The following WDSUB1 variants were observed in gnomAD, a reference collection of about 807,000 sequenced individuals.
WDSUB1 encodes WD repeat, SAM and U-box domain-containing protein 1.
In WDSUB1, 49 loss-of-function variants were observed where a neutral mutation model predicts 53.9. That is an observed-to-expected ratio of 0.91 (90% confidence interval 0.72 to 1.15). The LOEUF (loss-of-function observed/expected upper bound fraction) is 1.15, where lower values mean the gene tolerates loss of function less well. Among genes scored for constraint, WDSUB1 ranks in the 50% most tolerant of loss-of-function variants. The probability of loss-of-function intolerance (pLI) is 0.00; values close to 1 mark genes in which losing one functional copy is unlikely to be tolerated. For missense variants in WDSUB1, 514 were observed against 562.0 expected, an observed-to-expected ratio of 0.91 and a Z score of 0.86; for synonymous variants, 194 against 200.6, an observed-to-expected ratio of 0.97 and a Z score of 0.28.
chr2:159,269,257 A>G (rs2151123052), intron 5 of WDSUB1, among the ~76,000 whole-genome samples: 1 of 137,402 alleles, frequency 7.3e-6, no homozygotes, highest in South Asian at 2.2e-4. Context: ...TGCAACCTCC[A>G]CCTCTTGGGT....
chr2:159,255,694 A>G (rs1345138878), intron 9 of WDSUB1, among the ~76,000 whole-genome samples: 2 of 152,210 alleles, frequency 1.3e-5, no homozygotes, highest in Admixed American at 6.5e-5. Flanking sequence ...ATGGTTTTCT[A>G]TAACAAAGAT....
intron 5 of WDSUB1, among the ~76,000 whole-genome samples, chr2:159,260,493 G>C (rs572995518): frequency 1.3e-3 from 201 of 152,256 alleles, no homozygotes; most frequent in Non-Finnish European, 2.3e-3. Context: ...TTTGCTACTT[G>C]GTTTTGTTTC....
In WDSUB1 at chr2:159,248,427, A is replaced by G; in HGVS notation, c.1218T>C (p.Asp406=). 6.2e-7 allele frequency: 1 copy of G among 1,609,832 alleles called. No homozygotes were observed. Among genetic ancestry groups the G allele is most frequent in the Non-Finnish European group, 8.5e-7 (1 of 1,178,638 alleles). The change falls in exon 10 of 11, where the codon GAT becomes GAC. Residue 406 remains aspartate, a synonymous_variant. Coordinates refer to ENST00000359774, the MANE Select transcript of WDSUB1 (RefSeq NM_001128212.3). ...KVKSLSSGIP[D]EFICPITREL... is the part of the protein sequence containing the mutation. ...CTCTAGTTATTGGACATATAAATTC[A>G]TCAGGAATTCCTGAAGAAAGGGATT...
At chr2:159,253,864 A>G (rs1213844805) in intron 9 of WDSUB1, among the ~76,000 whole-genome samples, 1 of 152,250 alleles carries the variant, frequency 6.6e-6, no homozygotes, top group Non-Finnish European at 1.5e-5. Context: ...TACCATTTAT[A>G]GAAGATTAAA....
intron 10 of WDSUB1, among the ~76,000 whole-genome samples, chr2:159,248,106 ATAG>A (rs1455053968): frequency 6.6e-6 from 1 of 150,972 alleles, no homozygotes; most frequent in African/African-American, 2.4e-5. Context: ...TCTTTAAAAA[ATAG>A]TATTTTATCT....
At chr2:159,261,865 TATATATATATATATATATATATATATATA>T (rs2061201960) in intron 5 of WDSUB1, among the ~76,000 whole-genome samples, 2 of 8,864 alleles carry the variant, frequency 2.3e-4, no homozygotes, top group African/African-American at 3.9e-4. Context: ...TATATATATA[TATATATATATATATATATATATATATATA>T]TATTTTTTTT....
At chr2:159,242,059 TATTTATTTA>T (rs1261462425) in intron 10 of WDSUB1, among the ~76,000 whole-genome samples, 2 of 145,426 alleles carry the variant, frequency 1.4e-5, no homozygotes, top group African/African-American at 5.5e-5. Flanking sequence ...AACTTTTATT[TATTTATTTA>T]GAGATGGAGT....
At chr2:159,247,886 AATATATATATATATATATATAT>A (rs373694392) in intron 10 of WDSUB1, among the ~76,000 whole-genome samples, 1 of 63,824 alleles carries the variant, frequency 1.6e-5, no homozygotes, top group African/African-American at 5.4e-5. Flanking sequence ...AAATTAAATA[AATATATATATATATATATATAT>A]AAATATATAT....
At chr2:159,267,302 CT>C (rs34190249) in intron 5 of WDSUB1, among the ~76,000 whole-genome samples, 83,922 of 145,694 alleles carry the variant, frequency 0.58, 24,897 homozygotes, top group African/African-American at 0.71. Flanking sequence ...TTTTTTCTTT[CT>C]TTTTTTTTTT....
intron 2 of WDSUB1, among the ~76,000 whole-genome samples, chr2:159,281,332 G>A (rs191737331): frequency 6.6e-6 from 1 of 152,222 alleles, no homozygotes; most frequent in East Asian, 1.9e-4. Context: ...TCAAACACCT[G>A]GGTTCAGGCG....
chr2:159,237,592 T>C (rs2060517786), intron 10 of WDSUB1, among the ~76,000 whole-genome samples: 1 of 152,190 alleles, frequency 6.6e-6, no homozygotes, highest in East Asian at 1.9e-4. Flanking sequence ...GTCCAATCCT[T>C]GTTACCCACC....
At chr2:159,254,159 C>T (rs905892941) in intron 9 of WDSUB1, among the ~76,000 whole-genome samples, 1 of 152,236 alleles carries the variant, frequency 6.6e-6, no homozygotes, top group Non-Finnish European at 1.5e-5. Context: ...TTCCAAAACC[C>T]ATTTCACTGA....
chr2:159,245,850 C>G (rs1278546676), intron 10 of WDSUB1, among the ~76,000 whole-genome samples: 1 of 152,018 alleles, frequency 6.6e-6, no homozygotes, highest in Admixed American at 6.5e-5. Flanking sequence ...TCTTAGGACT[C>G]AAAGTATGAA....
At chr2:159,258,038 T>C in intron 6 of WDSUB1, 53 bp from the exon 7 acceptor site, 2 of 1,501,602 alleles carry the variant, frequency 1.3e-6, no homozygotes, top group Non-Finnish European at 1.8e-6. Context: ...GTAAAGTTAC[T>C]GATGAAGACT....
At chr2:159,280,708 A>AAAAAAAAAAAC (rs111752652) in intron 2 of WDSUB1, among the ~76,000 whole-genome samples, 3 of 134,318 alleles carry the variant, frequency 2.2e-5, no homozygotes, top group African/African-American at 6.7e-5. Context: ...AAAAAAAAAA[A>AAAAAAAAAAAC]ATTACCCAGA....
At chr2:159,246,431 C>CAA (rs35443297) in intron 10 of WDSUB1, among the ~76,000 whole-genome samples, 9,538 of 116,718 alleles carry the variant, frequency 0.082, 826 homozygotes, top group East Asian at 0.22. Flanking sequence ...GAGTCTGTCT[C>CAA]AAAAAAAAAA....
chr2:159,238,850 C>G (rs1394145121), intron 10 of WDSUB1, among the ~76,000 whole-genome samples: 2 of 135,704 alleles, frequency 1.5e-5, no homozygotes, highest in Non-Finnish European at 3.0e-5. Context: ...AGGATCATGT[C>G]AACCCTATGA....
Position 159,236,041 on chromosome 2 carries a change from G to T in WDSUB1, c.1423C>A (p.Gln475Lys), listed in dbSNP as rs377262700. 1.6e-5 allele frequency: 25 copies of T among 1,592,564 alleles called. No homozygotes were observed. Among genetic ancestry groups the T allele is most frequent in the Non-Finnish European group, 2.1e-5 (25 of 1,173,968 alleles). The change falls in exon 11 of 11, where the codon CAA (glutamine) becomes AAA (lysine). Residue 475 changes from glutamine to lysine, a missense_variant. Coordinates refer to ENST00000359774, the MANE Select transcript of WDSUB1 (RefSeq NM_001128212.3). ...MAINRWLETH[Q>K]K ...ATACAATATCAACAATTTTACTTTT[G>T]GTGTGTCTCCAGCCATCTATTGATG...
At chr2:159,264,656 C>CT (rs1326682967) in intron 5 of WDSUB1, among the ~76,000 whole-genome samples, 10 of 152,074 alleles carry the variant, frequency 6.6e-5, no homozygotes, top group East Asian at 1.9e-4. Flanking sequence ...TGGATTTTCT[C>CT]TTTTTTCTGA....
Sources: allele counts gnomAD v4.1 joint callset (sites outside exome capture counted in the v4.1 genomes callset), GRCh38; gene constraint gnomAD v4.1.1; transcripts MANE v1.5; gene names NCBI Gene and HGNC (gene_info 2026-07-23, HGNC 2026-07-21).